OXR1: variants seen among roughly 807,000 people sequenced by gnomAD.
The protein encoded by OXR1 is oxidation resistance 1.
OXR1 carries 41 observed loss-of-function variants against 104.6 expected under a neutral mutation model. That is an observed-to-expected ratio of 0.39 (90% confidence interval 0.31 to 0.51). The LOEUF is 0.51. OXR1 is among the 20% of genes least tolerant of loss of function. The pLI is 0.77. For missense variants in OXR1, 955 were observed against 1,031.9 expected (o/e 0.93, Z 1.02); for synonymous variants, 348 against 348.4 (o/e 1.00, Z 0.01).
chr8:106,333,233 G>T (rs1043184939), intron 1 of OXR1, among the ~76,000 whole-genome samples: 3 of 152,028 alleles, frequency 2.0e-5, no homozygotes, highest in Non-Finnish European at 1.5e-5. Context: ...TTTCACAGCA[G>T]CTATGAACCA....
intron 3 of OXR1, among the ~76,000 whole-genome samples, chr8:106,555,928 G>GTATGTATATATA (rs371162000): frequency 2.1e-5 from 3 of 142,540 alleles, no homozygotes; most frequent in African/African-American, 7.7e-5. Flanking sequence ...GTATATATAT[G>GTATGTATATATA]TACATATATA....
chr8:106,610,953 G>A (rs968031042), intron 3 of OXR1, among the ~76,000 whole-genome samples: 2 of 152,110 alleles, frequency 1.3e-5, no homozygotes, highest in Non-Finnish European at 2.9e-5. Context: ...TTGGGTCATT[G>A]AACAGATATT....
chr8:106,598,066 G>A (rs1819663693), intron 3 of OXR1, among the ~76,000 whole-genome samples: 1 of 152,078 alleles, frequency 6.6e-6, no homozygotes, highest in African/African-American at 2.4e-5. Flanking sequence ...CCTTCCCCCT[G>A]TTCCACAGGC....
At chr8:106,307,197 G>T (rs16874346) in intron 1 of OXR1, among the ~76,000 whole-genome samples, 2 of 152,188 alleles carry the variant, frequency 1.3e-5, no homozygotes, top group Non-Finnish European at 2.9e-5. Context: ...CCTGGGAATG[G>T]TATGTGAAGG....
chr8:106,423,528 T>A (rs1818985990), intron 2 of OXR1, among the ~76,000 whole-genome samples: 1 of 152,214 alleles, frequency 6.6e-6, no homozygotes, highest in Admixed American at 6.5e-5. Flanking sequence ...AATTAGCTAA[T>A]CCAAAGATGG....
intron 2 of OXR1, among the ~76,000 whole-genome samples, chr8:106,390,039 C>T (rs1242322995): frequency 3.9e-5 from 6 of 151,972 alleles, no homozygotes; most frequent in Non-Finnish European, 8.8e-5. Context: ...GCACTCCAGC[C>T]AGGGTGACAG....
chr8:106,568,661 G>A (rs953264541), intron 3 of OXR1, among the ~76,000 whole-genome samples: 25 of 152,010 alleles, frequency 1.6e-4, no homozygotes, highest in Non-Finnish European at 3.4e-4. Flanking sequence ...TCCAAATCAC[G>A]AGAAAGTGGC....
intron 2 of OXR1, among the ~76,000 whole-genome samples, chr8:106,394,268 A>G (rs1158080008): frequency 1.3e-5 from 2 of 151,666 alleles, no homozygotes; most frequent in Admixed American, 6.6e-5. Context: ...TTTAAAGGGT[A>G]TATTTAATAG....
Position 106,311,880 on chromosome 8 carries a change from C to T in OXR1, c.-139+41513C>T, listed in dbSNP as rs181360341. On this transcript the variant is annotated intron_variant, in intron 1 of 16. Transcript: ENST00000517566. ...AGTTGTTTTTTATCTTTTCACTTTC[C>T]GGCATTTATAATTTGCACCCTGTCT... Among the ~76,000 whole-genome samples, 117 of 152,164 alleles carry T rather than the reference C, an allele frequency of 7.7e-4. No individual in the cohort carries two copies. In the South Asian group the frequency reaches 8.5e-3, roughly 11 times the overall value.
chr8:106,300,815 G>A (rs568095175), intron 1 of OXR1, among the ~76,000 whole-genome samples: 2 of 152,320 alleles, frequency 1.3e-5, no homozygotes, highest in Non-Finnish European at 2.9e-5. Flanking sequence ...AATTGAGGTT[G>A]AGAACACTAT....
chr8:106,421,095 C>A (rs1324087440), intron 2 of OXR1, among the ~76,000 whole-genome samples: 1 of 151,878 alleles, frequency 6.6e-6, no homozygotes. Flanking sequence ...AACATAGTTC[C>A]AAAATAGAAT....
chr8:106,658,270 G>A (rs1825358828), intron 3 of OXR1: 4 of 1,219,224 alleles, frequency 3.3e-6, no homozygotes, highest in Non-Finnish European at 4.1e-6. Context: ...CCGGGCGGGG[G>A]TCGCTGCCCG....
chr8:106,710,235 C>A (rs561471872), intron 9 of OXR1, among the ~76,000 whole-genome samples: 29 of 152,052 alleles, frequency 1.9e-4, no homozygotes, highest in African/African-American at 7.0e-4. Flanking sequence ...TTTAAAACTT[C>A]TACAGTTATT....
chr8:106,293,411 A>C (rs1812840308), intron 1 of OXR1, among the ~76,000 whole-genome samples: 1 of 152,194 alleles, frequency 6.6e-6, no homozygotes, highest in African/African-American at 2.4e-5. Context: ...ATTATTACCA[A>C]GTGGTTTATC....
intron 2 of OXR1, among the ~76,000 whole-genome samples, chr8:106,368,447 A>T (rs1816571139): frequency 6.6e-6 from 1 of 151,934 alleles, no homozygotes; most frequent in South Asian, 2.1e-4. Context: ...TCTTCTTAAA[A>T]AAATGGGATA....
At chr8:106,697,934 C>T in intron 7 of OXR1, 2 of 1,612,296 alleles carry the variant, frequency 1.2e-6, no homozygotes, top group Non-Finnish European at 1.7e-6. Context: ...AGGATCTGCT[C>T]CAGATCTGCA....
chr8:106,693,424 C>CTTTTT (rs11384137), intron 7 of OXR1, among the ~76,000 whole-genome samples: 23 of 97,538 alleles, frequency 2.4e-4, no homozygotes, highest in East Asian at 5.9e-4. Flanking sequence ...TAGTCAGAAT[C>CTTTTT]TTTTTTTTTT....
chr8:106,727,556 T>TGCGA (rs1354837286), intron 11 of OXR1, among the ~76,000 whole-genome samples: 8 of 152,154 alleles, frequency 5.3e-5, no homozygotes, highest in Non-Finnish European at 1.2e-4. Context: ...TAGCTGGGAC[T>TGCGA]GCAAGCATGC....
chr8:106,704,393 C>CTTTTTTTTTTTTTTTTTTTTTTTT (rs71307084), intron 8 of OXR1, among the ~76,000 whole-genome samples: 9 of 47,890 alleles, frequency 1.9e-4, no homozygotes, highest in Non-Finnish European at 2.4e-4. Flanking sequence ...CTTTCTTCTT[C>CTTTTTTTTTTTTTTTTTTTTTTTT]TTTTTTTTTT....
Sources: allele counts gnomAD v4.1 joint callset (sites outside exome capture counted in the v4.1 genomes callset), GRCh38; gene constraint gnomAD v4.1.1; transcripts MANE v1.5; gene names NCBI Gene and HGNC (gene_info 2026-07-23, HGNC 2026-07-21).